The following DGKB variants were observed in gnomAD, a reference collection of about 807,000 sequenced individuals.
The protein encoded by DGKB is 90 kDa diacylglycerol kinase.
Under a neutral mutation model 114.3 loss-of-function variants are expected in DGKB, and 67 were observed. That is an observed-to-expected ratio of 0.59 (90% CI 0.48 to 0.72). DGKB has a LOEUF of 0.72. Among genes scored for constraint, DGKB ranks in the 30% least tolerant of loss-of-function variants. The pLI is 0.00. For missense variants in DGKB, 907 were observed against 975.2 expected (o/e 0.93, Z 0.93); for synonymous variants, 398 against 323.1 (o/e 1.23, Z -2.49).
Position 14,158,237 on chromosome 7 carries a change from C to A in DGKB, c.2305-8999G>T, listed in dbSNP as rs76428310. On this transcript the variant is annotated intron_variant, in intron 25 of 25. Transcript: ENST00000402815. Reference sequence around the variant, plus strand: ...TCCCGTGGAAACACATTTTGCTAACCCCTCTTCTATCTGAGACAACACAGC... The same window carrying A: ...TCCCGTGGAAACACATTTTGCTAACACCTCTTCTATCTGAGACAACACAGC... 5.3e-5 allele frequency among the ~76,000 whole-genome samples: 8 copies of A among 152,204 alleles called. No individual in the cohort carries two copies. The East Asian group carries it at 1.6e-3, about 29-fold the overall frequency.
At chr7:14,170,801 CA>C (rs898729121) in intron 25 of DGKB, among the ~76,000 whole-genome samples, 1 of 152,066 alleles carries the variant, frequency 6.6e-6, no homozygotes, top group African/African-American at 2.4e-5. Flanking sequence ...AAAGAAGTGT[CA>C]AAATGAACTC....
rs540745474 is a variant in DGKB, at chr7:14,758,924, G to C, written c.71-1193C>G. 5.1e-4 allele frequency among the ~76,000 whole-genome samples: 76 copies of C among 147,624 alleles called. No individual in the cohort carries two copies. In the East Asian group the frequency reaches 0.011, roughly 20 times the overall value. ...AGATAGATAGATAGATAGATAGATAGATAGATAGATACATAGATAGATAGA... is the reference window on the plus strand; with the variant it reads ...AGATAGATAGATAGATAGATAGATACATAGATAGATACATAGATAGATAGA... On this transcript the variant is annotated intron_variant, in intron 2 of 25. Transcript: ENST00000402815.
At chr7:14,588,404 G>C (rs1376956016) in intron 17 of DGKB, among the ~76,000 whole-genome samples, 2 of 151,920 alleles carry the variant, frequency 1.3e-5, no homozygotes, top group African/African-American at 4.8e-5. Flanking sequence ...ACCTTAACTA[G>C]TCTTCTGTAA....
chr7:14,387,851 T>C lies in DGKB; in HGVS notation c.1836-42460A>G, dbSNP rs532758897. Among the ~76,000 whole-genome samples, 29 of 151,906 alleles carry C rather than the reference T, an allele frequency of 1.9e-4. 3 individuals are homozygous for C. The East Asian group carries it at 3.3e-3, about 17-fold the overall frequency. On this transcript the variant is annotated intron_variant, in intron 21 of 25. Transcript: ENST00000402815. ...CTATTATTCCCATTTTATAGGTTAG[T>C]ACAGGTATCATCAGTTGAAGTGTCC... is the stretch of plus-strand genomic sequence containing the variant.
chr7:14,804,638 C>G (rs776796484), intron 2 of DGKB, among the ~76,000 whole-genome samples: 10 of 151,988 alleles, frequency 6.6e-5, no homozygotes, highest in Admixed American at 1.3e-4. Flanking sequence ...CTTGGCACTC[C>G]TAACAGTCTT....
chr7:14,499,811 C>T (rs548717286), intron 20 of DGKB, among the ~76,000 whole-genome samples: 6 of 151,670 alleles, frequency 4.0e-5, no homozygotes, highest in Admixed American at 6.6e-5. Context: ...AAAGCATAGC[C>T]TAGTGTAGTA....
chr7:14,331,138 T>C (rs1809648420), intron 23 of DGKB, among the ~76,000 whole-genome samples: 1 of 152,060 alleles, frequency 6.6e-6, no homozygotes, highest in Non-Finnish European at 1.5e-5. Context: ...GGAGGCAGTT[T>C]AAAAACATAG....
chr7:14,635,784 T>C (rs760007662), intron 13 of DGKB, among the ~76,000 whole-genome samples: 1 of 151,568 alleles, frequency 6.6e-6, no homozygotes, highest in Non-Finnish European at 1.5e-5. Flanking sequence ...CTCAGTATAA[T>C]AGACTGATAC....
At chr7:14,309,165 A>C (rs986747140) in intron 23 of DGKB, among the ~76,000 whole-genome samples, 3 of 152,084 alleles carry the variant, frequency 2.0e-5, no homozygotes, top group African/African-American at 7.2e-5. Context: ...GCAGTGAGCC[A>C]TTATTGTGCC....
rs745608554 is a variant in DGKB at position 14,338,721 on chromosome 7, AAAAG to A, written c.1927-15_1927-12del. 1.4e-6 allele frequency: 2 copies of A among 1,402,164 alleles called. No individual in the cohort carries two copies. The highest frequency in any genetic ancestry group is 5.3e-5 in the East Asian group (2 of 38,094). 86.9% of individuals were successfully genotyped at this position (1,402,164 alleles called of 1,614,324 possible). ...CTGTACTCCATCACACTGATCGGTA[AAAAG>A]AAAGAAACAGAAACGGAATATTTTA... On this transcript the variant is annotated splice_polypyrimidine_tract_variant and intron_variant, in intron 22 of 25. Coordinates refer to ENST00000402815, the MANE Select transcript of DGKB (RefSeq NM_001350709.2).
intron 10 of DGKB, among the ~76,000 whole-genome samples, chr7:14,683,241 T>C (rs866853974): frequency 1.3e-5 from 2 of 152,232 alleles, no homozygotes; most frequent in Middle Eastern, 6.8e-3. Context: ...AGCTGGCGGG[T>C]ATGGGAATAA....
At chr7:14,953,418 A>G (rs1018802875) in intron 1 of DGKB, among the ~76,000 whole-genome samples, 2 of 152,134 alleles carry the variant, frequency 1.3e-5, no homozygotes, top group African/African-American at 4.8e-5. Context: ...TCCTAATAAT[A>G]TATACAAATG....
At chr7:14,497,502 G>A (rs1313540699) in intron 20 of DGKB, among the ~76,000 whole-genome samples, 1 of 151,704 alleles carries the variant, frequency 6.6e-6, no homozygotes, top group Non-Finnish European at 1.5e-5. Context: ...GCCTTCCTTA[G>A]CTCTATGTTC....
rs1783436184 is a variant in DGKB at position 14,186,376 on chromosome 7, G to A, written c.2123-8225C>T. Reference sequence around the variant, plus strand: ...AAATAATCAAAAAACAGTAGATGTTGGTGTGTATGTGGTGAATAGAGAACA... The same window carrying A: ...AAATAATCAAAAAACAGTAGATGTTAGTGTGTATGTGGTGAATAGAGAACA... On this transcript the variant is annotated intron_variant, in intron 23 of 25. Transcript: ENST00000402815. Among the ~76,000 whole-genome samples the A allele has an allele frequency of 2.6e-5, 4 of 152,156 alleles. No individual in the cohort carries two copies. In the East Asian group the frequency reaches 7.7e-4, roughly 29 times the overall value.
chr7:14,689,849 G>T (rs1448443009), intron 9 of DGKB, among the ~76,000 whole-genome samples: 2 of 152,072 alleles, frequency 1.3e-5, no homozygotes, highest in African/African-American at 4.8e-5. Flanking sequence ...CATCACTCAG[G>T]AATTTCATCA....
chr7:14,796,706 T>C (rs1841463025), intron 2 of DGKB, among the ~76,000 whole-genome samples: 1 of 149,992 alleles, frequency 6.7e-6, no homozygotes, highest in Non-Finnish European at 1.5e-5. Flanking sequence ...AAAAAAAGTA[T>C]TTGCTTATTA....
intron 23 of DGKB, among the ~76,000 whole-genome samples, chr7:14,215,373 A>T (rs1261653596): frequency 6.6e-6 from 1 of 152,136 alleles, no homozygotes; most frequent in Non-Finnish European, 1.5e-5. Flanking sequence ...AAAGTGCCCC[A>T]CAAAATGCAG....
At chr7:14,448,073 A>G (rs1028397195) in intron 21 of DGKB, among the ~76,000 whole-genome samples, 3 of 152,024 alleles carry the variant, frequency 2.0e-5, no homozygotes, top group African/African-American at 7.2e-5. Context: ...CCATAAATTT[A>G]TTGAGCAGTT....
chr7:14,813,472 G>T (rs925037029), intron 2 of DGKB, among the ~76,000 whole-genome samples: 1 of 152,100 alleles, frequency 6.6e-6, no homozygotes, highest in Non-Finnish European at 1.5e-5. Context: ...AGAATTGATG[G>T]CTGTGGAGCC....
Sources: gnomAD v4.1 joint callset for allele counts (sites outside exome capture counted in the v4.1 genomes callset) on GRCh38, gnomAD v4.1.1 for gene constraint, MANE v1.5 for transcripts, NCBI Gene and HGNC (gene_info 2026-07-23, HGNC 2026-07-21) for gene names.